The following ERC1 variants were observed in gnomAD, a reference collection of about 807,000 sequenced individuals.
ERC1 encodes ELKS/RAB6-interacting/CAST family member 1, also known as RAB6 interacting protein 2.
Under a neutral mutation model 132.0 loss-of-function variants are expected in ERC1, and 56 were observed. The ratio of observed to expected loss-of-function variants is 0.42; its 90% CI spans 0.34 to 0.53. ERC1 has a LOEUF of 0.53. Among genes scored for constraint, ERC1 ranks in the 20% least tolerant of loss-of-function variants. The pLI is 0.03. For synonymous variants in ERC1, 478 were observed against 476.1 expected, an observed-to-expected ratio of 1.00 and a Z score of -0.05; for missense variants, 1,202 against 1,349.9, an observed-to-expected ratio of 0.89 and a Z score of 1.72.
In ERC1 at chr12:1,354,918, A is replaced by G. The variant is rs369673245; in HGVS notation, c.2781-16915A>G. ...CAGCCTCCCAAAATCCTGGGATTACAGCAGTCCGCCCACTGATTTATCTTT... is the reference window on the plus strand; with the variant it reads ...CAGCCTCCCAAAATCCTGGGATTACGGCAGTCCGCCCACTGATTTATCTTT... On this transcript the variant is annotated intron_variant, in intron 15 of 18. Coordinates refer to ENST00000360905, the MANE Select transcript of ERC1 (RefSeq NM_178040.4). Among the ~76,000 whole-genome samples the G allele has an allele frequency of 1.4e-4, 21 of 152,320 alleles. 1 individual carries two copies. The highest frequency in any genetic ancestry group is 7.8e-4 in the Admixed American group (12 of 15,306).
At chr12:1,363,402 G>A (rs1267095736) in intron 15 of ERC1, among the ~76,000 whole-genome samples, 1 of 152,106 alleles carries the variant, frequency 6.6e-6, no homozygotes, top group Non-Finnish European at 1.5e-5. Flanking sequence ...TTCAATCAAT[G>A]TCATTTACTG....
chr12:1,349,541 G>T (rs1352479534), intron 15 of ERC1, among the ~76,000 whole-genome samples: 3 of 151,762 alleles, frequency 2.0e-5, no homozygotes, highest in Non-Finnish European at 4.4e-5. Flanking sequence ...CCATACGTCT[G>T]TAGTCCCAGC....
intron 14 of ERC1, among the ~76,000 whole-genome samples, chr12:1,289,365 A>G (rs1189761159): frequency 2.0e-5 from 3 of 152,052 alleles, no homozygotes; most frequent in African/African-American, 7.2e-5. Context: ...CTTTAAAAAG[A>G]AATTCTTCTT....
At chr12:1,488,626 C>T (rs942262411) in intron 18 of ERC1, among the ~76,000 whole-genome samples, 6 of 152,136 alleles carry the variant, frequency 3.9e-5, no homozygotes, top group Non-Finnish European at 8.8e-5. Flanking sequence ...ATGAACTGAT[C>T]GGCAGAACTG....
At chr12:1,289,675 C>G (rs1361333527) in intron 14 of ERC1, among the ~76,000 whole-genome samples, 177 bp from the exon 15 acceptor site, 1 of 152,120 alleles carries the variant, frequency 6.6e-6, no homozygotes, top group East Asian at 1.9e-4. Context: ...ATGTTATTAT[C>G]TGCTATATTG....
At chr12:1,312,946 A>C (rs943785794) in intron 15 of ERC1, among the ~76,000 whole-genome samples, 6 of 152,132 alleles carry the variant, frequency 3.9e-5, no homozygotes, top group African/African-American at 1.2e-4. Flanking sequence ...AGGTTACAGC[A>C]GTATCACTTA....
At chr12:1,223,756 T>A (rs2074345752) in intron 12 of ERC1, among the ~76,000 whole-genome samples, 1 of 152,218 alleles carries the variant, frequency 6.6e-6, no homozygotes, top group South Asian at 2.1e-4. Context: ...AATCTAATTT[T>A]AAAGCATTAA....
At chr12:1,251,970 ATTC>A (rs1021006774) in intron 13 of ERC1, among the ~76,000 whole-genome samples, 1 of 152,042 alleles carries the variant, frequency 6.6e-6, no homozygotes, top group Non-Finnish European at 1.5e-5. Context: ...CTCCAATGAG[ATTC>A]TTTTTTTTCT....
intron 15 of ERC1, among the ~76,000 whole-genome samples, chr12:1,309,253 G>T (rs1038622820): frequency 2.0e-5 from 3 of 152,088 alleles, no homozygotes; most frequent in Non-Finnish European, 2.9e-5. Flanking sequence ...GCATGATGTC[G>T]TATTGAACTG....
intron 15 of ERC1, among the ~76,000 whole-genome samples, chr12:1,344,763 A>T (rs565172792): frequency 6.6e-6 from 1 of 152,296 alleles, no homozygotes; most frequent in South Asian, 2.1e-4. Context: ...ACACTATCTC[A>T]ATCTTAATAA....
At chr12:1,123,491 G>A (rs1387041264) in intron 7 of ERC1, among the ~76,000 whole-genome samples, 1 of 151,886 alleles carries the variant, frequency 6.6e-6, no homozygotes, top group Non-Finnish European at 1.5e-5. Flanking sequence ...CAGACAAAAA[G>A]TAACAGCAAA....
intron 17 of ERC1, among the ~76,000 whole-genome samples, chr12:1,422,428 C>T (rs2092461964): frequency 6.6e-6 from 1 of 152,090 alleles, no homozygotes; most frequent in Non-Finnish European, 1.5e-5. Context: ...AGCTTCCATA[C>T]ATGAATGAGA....
chr12:1,213,903 CA>C (rs1227905833), intron 12 of ERC1, among the ~76,000 whole-genome samples: 8 of 140,766 alleles, frequency 5.7e-5, no homozygotes, highest in Admixed American at 3.5e-4. Flanking sequence ...ACTCTGTCTC[CA>C]AAAAAAAAGA....
intron 15 of ERC1, among the ~76,000 whole-genome samples, chr12:1,311,530 C>T (rs1239456704): frequency 6.6e-6 from 1 of 152,138 alleles, no homozygotes; most frequent in African/African-American, 2.4e-5. Flanking sequence ...TCACTTCTAA[C>T]CTAAATACAT....
chr12:1,344,432 G>C (rs2084237861), intron 15 of ERC1, among the ~76,000 whole-genome samples: 1 of 152,182 alleles, frequency 6.6e-6, no homozygotes, highest in South Asian at 2.1e-4. Flanking sequence ...ATCTCTGAAG[G>C]AGGAAAGGAG....
chr12:1,197,171 G>T (rs1481444065), intron 12 of ERC1, among the ~76,000 whole-genome samples: 1 of 151,210 alleles, frequency 6.6e-6, no homozygotes, highest in Non-Finnish European at 1.5e-5. Flanking sequence ...AGTAGAGATG[G>T]GGTTTCACCA....
In ERC1 at chr12:1,416,149, G is replaced by A. The variant is rs185906861; in HGVS notation, c.3024+7902G>A. ...TGAATTGAATTGAATTCCTAACTGG[G>A]GAAATAACAAAATGGTCTTTGCTGG... On this transcript the variant is annotated intron_variant, in intron 17 of 18. Coordinates refer to ENST00000360905, the MANE Select transcript of ERC1 (RefSeq NM_178040.4). Among the ~76,000 whole-genome samples the A allele has an allele frequency of 6.3e-3, 953 of 152,226 alleles. 3 individuals carry two copies. Among genetic ancestry groups the A allele is most frequent in the South Asian group, 0.02 (95 of 4,822 alleles).
At chr12:1,046,173 A>AG (rs1971052031) in intron 2 of ERC1, among the ~76,000 whole-genome samples, 1 of 152,194 alleles carries the variant, frequency 6.6e-6, no homozygotes, top group Admixed American at 6.5e-5. Context: ...TTGTTTTATA[A>AG]GGGGAAGGTC....
At chr12:1,432,340 G>A (rs563104788) in intron 17 of ERC1, among the ~76,000 whole-genome samples, 6 of 152,338 alleles carry the variant, frequency 3.9e-5, no homozygotes, top group African/African-American at 7.2e-5. Flanking sequence ...CGAAGAAGGC[G>A]GAGCTGAATT....
Sources: allele counts gnomAD v4.1 joint callset (sites outside exome capture counted in the v4.1 genomes callset), GRCh38; gene constraint gnomAD v4.1.1; transcripts MANE v1.5; gene names NCBI Gene and HGNC (gene_info 2026-07-23, HGNC 2026-07-21).